The following FAF1 variants were observed in gnomAD, a reference collection of about 807,000 sequenced individuals.
FAF1 encodes the protein Fas associated factor 1.
Under a neutral mutation model 92.5 loss-of-function variants are expected in FAF1, and 25 were observed. The observed-to-expected ratio is 0.27, with a 90% CI of 0.20 to 0.38. The LOEUF (loss-of-function observed/expected upper bound fraction) is 0.38, where lower values mean the gene tolerates loss of function less well. Ranked by LOEUF, FAF1 falls within the 10% of genes least tolerant of loss-of-function variation. The probability of loss-of-function intolerance (pLI) is 1.00; values close to 1 mark genes in which losing one functional copy is unlikely to be tolerated. For missense variants in FAF1, 636 were observed against 793.3 expected (o/e 0.80, Z 2.38); for synonymous variants, 234 against 273.2 (o/e 0.86, Z 1.42).
At chr1:50,637,681 A>ATGTGTGTGTGTGTGTGTGTGTG (rs142201244) in intron 8 of FAF1, among the ~76,000 whole-genome samples, 2 of 137,098 alleles carry the variant, frequency 1.5e-5, no homozygotes, top group Non-Finnish European at 1.6e-5. Context: ...ACATATATAT[A>ATGTGTGTGTGTGTGTGTGTGTG]TGTGTGTGTG....
intron 5 of FAF1, among the ~76,000 whole-genome samples, chr1:50,744,242 T>C (rs1659502592): frequency 6.6e-6 from 1 of 152,210 alleles, no homozygotes. Flanking sequence ...ATTTAAATTC[T>C]CCAAGTTTAA....
intron 1 of FAF1, among the ~76,000 whole-genome samples, chr1:50,867,491 A>G (rs1444844930): frequency 6.6e-6 from 1 of 152,178 alleles, no homozygotes; most frequent in Non-Finnish European, 1.5e-5. Context: ...GCAAGAAAAA[A>G]ACAAACAATC....
intron 13 of FAF1, among the ~76,000 whole-genome samples, chr1:50,559,814 C>T (rs996646009): frequency 6.6e-6 from 1 of 152,122 alleles, no homozygotes; most frequent in Non-Finnish European, 1.5e-5. Flanking sequence ...TGTTTTGGAA[C>T]CTTCATTTTA....
At chr1:50,836,168 C>CTTT (rs1644200011) in intron 2 of FAF1, among the ~76,000 whole-genome samples, 1 of 75,540 alleles carries the variant, frequency 1.3e-5, no homozygotes, top group African/African-American at 5.7e-5. Flanking sequence ...TTTTTTGTTT[C>CTTT]TGTTTTTTTT....
chr1:50,912,998 G>A (rs776669603), intron 1 of FAF1, among the ~76,000 whole-genome samples: 5 of 152,108 alleles, frequency 3.3e-5, no homozygotes, highest in Non-Finnish European at 5.9e-5. Context: ...AGTGAATTGG[G>A]GCATTCAAGC....
At chr1:50,641,439 C>T (rs1204897932) in intron 8 of FAF1, among the ~76,000 whole-genome samples, 2 of 151,808 alleles carry the variant, frequency 1.3e-5, no homozygotes, top group African/African-American at 2.4e-5. Flanking sequence ...TCTTCTTTGA[C>T]TCATGAATTT....
At chr1:50,485,599 T>TTGCAGTGA (rs1454598588) in intron 17 of FAF1, among the ~76,000 whole-genome samples, 3 of 140,924 alleles carry the variant, frequency 2.1e-5, no homozygotes, top group Middle Eastern at 3.7e-3. Context: ...GAGGCAGAGG[T>TTGCAGTGA]TGCAGTGAGC....
At chr1:50,820,208 AT>A (rs1246064612) in intron 2 of FAF1, among the ~76,000 whole-genome samples, 4 of 151,922 alleles carry the variant, frequency 2.6e-5, no homozygotes, top group African/African-American at 9.7e-5. Context: ...AGTTCTGGAG[AT>A]TTTTTTCACA....
intron 7 of FAF1, among the ~76,000 whole-genome samples, chr1:50,704,861 C>A (rs1049115453): frequency 5.9e-5 from 9 of 152,038 alleles, no homozygotes; most frequent in Non-Finnish European, 1.3e-4. Flanking sequence ...AAAAGGAAAC[C>A]ATTAATAGTC....
intron 2 of FAF1, among the ~76,000 whole-genome samples, chr1:50,848,408 C>A (rs1009738516): frequency 6.6e-6 from 1 of 152,024 alleles, no homozygotes; most frequent in African/African-American, 2.4e-5. Context: ...TATTGTGAAA[C>A]CTAGGATAAC....
intron 1 of FAF1, among the ~76,000 whole-genome samples, chr1:50,925,193 A>G (rs932908762): frequency 6.6e-6 from 1 of 152,212 alleles, no homozygotes. Context: ...ACCCCTATCT[A>G]TCACTACATA....
At chr1:50,900,068 CT>C (rs1368338323) in intron 1 of FAF1, among the ~76,000 whole-genome samples, 2 of 152,100 alleles carry the variant, frequency 1.3e-5, no homozygotes, top group Non-Finnish European at 2.9e-5. Context: ...TTGTTAATAG[CT>C]CTAGCATTTC....
chr1:50,740,656 G>A lies in FAF1; in HGVS notation c.460-1702C>T, dbSNP rs560196399. On this transcript the variant is annotated intron_variant, in intron 5 of 18. Coordinates refer to ENST00000396153, the MANE Select transcript of FAF1 (RefSeq NM_007051.3). ...TAATGCTGCTGACTATAACCCACTC[G>A]ATTAACTTCCCAATCCACTAATGGT... is the stretch of plus-strand genomic sequence containing the variant. Among the ~76,000 whole-genome samples, 7 of 151,650 alleles carry A rather than the reference G, an allele frequency of 4.6e-5. No individual in the cohort carries two copies. The South Asian group carries it at 1.2e-3, about 27-fold the overall frequency.
At chr1:50,869,895 A>G (rs1354917853) in intron 1 of FAF1, among the ~76,000 whole-genome samples, 1 of 152,156 alleles carries the variant, frequency 6.6e-6, no homozygotes, top group Non-Finnish European at 1.5e-5. Context: ...TGATTTTGGC[A>G]TCTGCTGAAT....
chr1:50,618,622 G>A (rs532588059), intron 8 of FAF1, among the ~76,000 whole-genome samples: 1 of 152,002 alleles, frequency 6.6e-6, no homozygotes, highest in South Asian at 2.1e-4. Context: ...CCAATGCTGG[G>A]TGAGCATATA....
At chr1:50,780,443 G>A (rs1661130345) in intron 4 of FAF1, 1 of 169,346 alleles carries the variant, frequency 5.9e-6, no homozygotes, top group African/African-American at 2.4e-5. Context: ...GCTGGGTACA[G>A]AGCTATCATC....
At chr1:50,666,538 T>C (rs1431306620) in intron 7 of FAF1, among the ~76,000 whole-genome samples, 1 of 152,122 alleles carries the variant, frequency 6.6e-6, no homozygotes, top group Admixed American at 6.5e-5. Flanking sequence ...GTAACGTGTA[T>C]GAATCTTCTA....
At chr1:50,457,723 G>GT (rs1270256957) in intron 18 of FAF1, among the ~76,000 whole-genome samples, 1 of 16,738 alleles carries the variant, frequency 6.0e-5, no homozygotes, top group African/African-American at 1.4e-4. Flanking sequence ...CCCCATCTCT[G>GT]CAAAAAAAAA....
intron 1 of FAF1, among the ~76,000 whole-genome samples, chr1:50,929,515 G>A (rs1183791430): frequency 6.6e-6 from 1 of 152,012 alleles, no homozygotes; most frequent in East Asian, 1.9e-4. Context: ...TATATCTTTT[G>A]GTAACAAAAA....
Sources: allele counts gnomAD v4.1 joint callset (sites outside exome capture counted in the v4.1 genomes callset), GRCh38; gene constraint gnomAD v4.1.1; transcripts MANE v1.5; gene names NCBI Gene and HGNC (gene_info 2026-07-23, HGNC 2026-07-21).